AP4E1: variants seen among roughly 807,000 people sequenced by gnomAD.
The protein encoded by AP4E1 is AP-4 complex subunit epsilon-1.
A neutral mutation model predicts 128.2 loss-of-function variants in AP4E1; 56 were observed. The ratio of observed to expected loss-of-function variants is 0.44; its 90% CI spans 0.35 to 0.55. The LOEUF is 0.55. AP4E1 is among the 20% of genes least tolerant of loss of function. The pLI, the probability that AP4E1 is intolerant of heterozygous loss-of-function variation, is 0.00. For synonymous variants in AP4E1, 484 were observed against 473.1 expected (o/e 1.02, Z -0.30); for missense variants, 1,324 against 1,307.7 (o/e 1.01, Z -0.19).
intron 5 of AP4E1, among the ~76,000 whole-genome samples, chr15:50,928,665 A>G (rs1240691836): frequency 1.3e-5 from 2 of 151,078 alleles, no homozygotes; most frequent in Non-Finnish European, 2.9e-5. Context: ...ATTTTTAGAG[A>G]TACGTCTTTT....
chr15:50,917,232 C>T (rs2063640507), intron 3 of AP4E1, among the ~76,000 whole-genome samples: 1 of 152,284 alleles, frequency 6.6e-6, no homozygotes, highest in East Asian at 1.9e-4. Flanking sequence ...CAACTTCATC[C>T]TTTTCGTTTC....
rs16963986 is a variant in AP4E1 at position 50,936,303 on chromosome 15, G to A, written c.943+1606G>A. Among the ~76,000 whole-genome samples, 994 of 151,804 alleles carry A rather than the reference G, an allele frequency of 6.5e-3. 6 individuals carry two copies. The highest frequency in any genetic ancestry group is 0.022 in the African/African-American group (929 of 41,410). On this transcript the variant is annotated intron_variant, in intron 8 of 20. Transcript: ENST00000261842. The stretch of plus-strand genomic sequence containing the variant: ...TGTTTGCGATGTAACCAGTGTCCAG[G>A]ATAAGGGTTTGAAAGTCTTTCGGGA...
rs376219792 is a variant in AP4E1 at position 50,968,832 on chromosome 15, G to T, written c.1966+455G>T. On this transcript the variant is annotated intron_variant, in intron 15 of 20. Transcript: ENST00000261842. ...TAGTAGAGATGGGGTTTCAAACTTG[G>T]CCAGGCTGGTTTCAAACTTCGGCCT... 7.5e-4 allele frequency among the ~76,000 whole-genome samples: 97 copies of T among 129,550 alleles called. 1 individual carries two copies. The highest frequency in any genetic ancestry group is 2.2e-3 in the African/African-American group (81 of 36,082). 85.0% of individuals were successfully genotyped at this position (129,550 alleles called of 152,430 possible). A position where few individuals can be genotyped will look rare whatever the true frequency, so the allele number is the denominator to read the frequency against.
intron 11 of AP4E1, 80 bp from the exon 12 acceptor site, chr15:50,949,746 A>AT: frequency 2.6e-6 from 3 of 1,133,134 alleles, no homozygotes; most frequent in Non-Finnish European, 2.7e-6. Context: ...AATTGGGGTT[A>AT]TTTTTTAAAA....
In AP4E1 at chr15:50,908,823, C is replaced by G. The variant is rs760224898; in HGVS notation, c.45C>G (p.Leu15=). The change falls in exon 1 of 21, where the codon CTC becomes CTG. Residue 15 remains leucine, a synonymous_variant. Coordinates refer to ENST00000261842, the MANE Select transcript of AP4E1 (RefSeq NM_007347.5). ...VEKTLTALPG[L]FLQNQPGGGP... ...AGACGCTGACGGCGCTGCCGGGACTCTTTCTGCAGAACCAGCCCGGTGGTG... is the reference window on the plus strand; with the variant it reads ...AGACGCTGACGGCGCTGCCGGGACTGTTTCTGCAGAACCAGCCCGGTGGTG... 2.5e-6 allele frequency: 4 copies of G among 1,606,306 alleles called. No homozygotes were observed. In the African/African-American group the frequency reaches 4.0e-5, roughly 16 times the overall value.
chr15:50,908,783 G>A lies in AP4E1; in HGVS notation c.5G>A (p.Ser2Asn). 1 of 1,559,824 alleles carries A rather than the reference G, an allele frequency of 6.4e-7. No individual in the cohort carries two copies. Among genetic ancestry groups the A allele is most frequent in the Non-Finnish European group, 8.6e-7 (1 of 1,157,916 alleles). The change falls in exon 1 of 21, where the codon AGC becomes AAC. Residue 2 changes from serine (S) to asparagine (N), a missense_variant. By Grantham distance (46) the Ser-to-Asn change is conservative. Coordinates refer to ENST00000261842, the MANE Select transcript of AP4E1 (RefSeq NM_007347.5). M[S>N]DIVEKTLTAL... ...GCATCGCGGGCGGCGGCGGCGATGA[G>A]CGACATAGTGGAGAAGACGCTGACG...
At chr15:50,977,291 A>C (rs1333537362) in intron 15 of AP4E1, among the ~76,000 whole-genome samples, 2 of 152,130 alleles carry the variant, frequency 1.3e-5, no homozygotes, top group East Asian at 3.8e-4. Flanking sequence ...TAGGGAGACT[A>C]TTTCCTGGCA....
rs1279114848 is a variant in AP4E1, at chr15:50,948,086, G to C, written c.1243G>C (p.Glu415Gln). ...NITVIVQKML[E>Q]YLHQSKEEYV... ...AACAGTTATTGTCCAGAAAATGCTT[G>C]AATATTTACATCAGAGCAAAGAAGA... Residue 415 changes from glutamate (E) to glutamine (Q), a missense_variant, in exon 11 of 21, where the codon GAA (glutamate) becomes CAA (glutamine). By Grantham distance (29) the Glu-to-Gln change is conservative. Coordinates refer to ENST00000261842, the MANE Select transcript of AP4E1 (RefSeq NM_007347.5). 6.2e-7 allele frequency: 1 copy of C among 1,613,612 alleles called. No individual in the cohort carries two copies. The highest frequency in any genetic ancestry group is 8.5e-7 in the Non-Finnish European group (1 of 1,179,690).
chr15:50,939,938 C>T (rs941614489), intron 8 of AP4E1, among the ~76,000 whole-genome samples: 3 of 152,090 alleles, frequency 2.0e-5, no homozygotes, highest in African/African-American at 7.2e-5. Context: ...AGGTTTCTGT[C>T]GCATATTCTC....
chr15:50,996,390 T>C (rs1469105899), intron 17 of AP4E1, among the ~76,000 whole-genome samples: 1 of 152,116 alleles, frequency 6.6e-6, no homozygotes, highest in Non-Finnish European at 1.5e-5. Context: ...ACAGTAGTTT[T>C]TGTGCCCCCT....
At chr15:50,964,824 C>T (rs982048177) in intron 14 of AP4E1, among the ~76,000 whole-genome samples, 3 of 152,086 alleles carry the variant, frequency 2.0e-5, no homozygotes, top group African/African-American at 7.2e-5. Context: ...TAATCCCCAG[C>T]GTTGGAGGTA....
At chr15:50,987,670 G>T (rs1211071198) in intron 16 of AP4E1, among the ~76,000 whole-genome samples, 2 of 152,216 alleles carry the variant, frequency 1.3e-5, no homozygotes, top group Non-Finnish European at 2.9e-5. Flanking sequence ...CTGAGAGACA[G>T]TTTGTTATAA....
At chr15:50,914,650 CAAAAAAAAAA>C (rs60591318) in intron 2 of AP4E1, among the ~76,000 whole-genome samples, 2 of 93,716 alleles carry the variant, frequency 2.1e-5, no homozygotes, top group African/African-American at 4.4e-5. Flanking sequence ...GACTCTGTCT[CAAAAAAAAAA>C]AAAAAAAAAA....
Position 50,968,772 on chromosome 15 carries a change from T to A in AP4E1, c.1966+395T>A, listed in dbSNP as rs186195761. Among the ~76,000 whole-genome samples the A allele has an allele frequency of 9.2e-5, 14 of 152,166 alleles. No individual in the cohort carries two copies. The East Asian group carries it at 2.7e-3, about 29-fold the overall frequency. Reference sequence around the variant, plus strand: ...CCTCCCAAGTAGCTGGATTTACAGGTGGGTGCCACCACACCCAGCTAAATT... The same window carrying A: ...CCTCCCAAGTAGCTGGATTTACAGGAGGGTGCCACCACACCCAGCTAAATT... On this transcript the variant is annotated intron_variant, in intron 15 of 20. Transcript: ENST00000261842.
Position 51,005,441 on chromosome 15 carries a change from C to T in AP4E1, c.*2779C>T, listed in dbSNP as rs1316028860. 1 of 152,698 alleles carries T rather than the reference C, an allele frequency of 6.5e-6. No individual in the cohort carries two copies. Among genetic ancestry groups the T allele is most frequent in the East Asian group, 1.9e-4 (1 of 5,178 alleles). 9.5% of individuals were successfully genotyped at this position (152,698 alleles called of 1,614,324 possible). ...CTGTGGAGGCAGGCAGATCAGAGCT[C>T]AGGGTTTGAAAGTGGGCCTGAGTAA... On this transcript the variant is annotated 3_prime_UTR_variant, in exon 21 of 21. Transcript: ENST00000261842.
intron 14 of AP4E1, among the ~76,000 whole-genome samples, chr15:50,961,114 TAGTA>T (rs1417311664): frequency 3.9e-5 from 6 of 151,980 alleles, no homozygotes; most frequent in Admixed American, 3.9e-4. Context: ...GAATCAGTAA[TAGTA>T]AGTCTCCCAA....
chr15:50,996,278 A>G (rs1004856789), intron 17 of AP4E1, among the ~76,000 whole-genome samples: 6 of 150,948 alleles, frequency 4.0e-5, no homozygotes, highest in Non-Finnish European at 7.4e-5. Context: ...GATTACAGAT[A>G]TGAGTCACCA....
rs1305561834 is a variant in AP4E1, at chr15:50,957,985, T to G, written c.1549-507T>G. Among the ~76,000 whole-genome samples the G allele has an allele frequency of 2.0e-5, 3 of 152,104 alleles. No individual in the cohort carries two copies. The East Asian group carries it at 5.8e-4, about 29-fold the overall frequency. ...CCATGCCTGGCCAATAAGTGTTTCT[T>G]AAAGTCTCTTCTGTGGAATGTCTAC... is the stretch of plus-strand genomic sequence containing the variant. On this transcript the variant is annotated intron_variant, in intron 13 of 20. Coordinates refer to ENST00000261842, the MANE Select transcript of AP4E1 (RefSeq NM_007347.5).
At chr15:50,928,462 A>G (rs1048945297) in intron 5 of AP4E1, among the ~76,000 whole-genome samples, 1 of 151,976 alleles carries the variant, frequency 6.6e-6, no homozygotes, top group Non-Finnish European at 1.5e-5. Flanking sequence ...TAATTTTTGT[A>G]TTTTTAGTAG....
Sources: allele counts gnomAD v4.1 joint callset (sites outside exome capture counted in the v4.1 genomes callset), GRCh38; gene constraint gnomAD v4.1.1; transcripts MANE v1.5; gene names NCBI Gene and HGNC (gene_info 2026-07-23, HGNC 2026-07-21).